The following NOL4 variants were observed in gnomAD, a reference collection of about 807,000 sequenced individuals.
NOL4 encodes nucleolar protein 4.
Under a neutral mutation model 75.9 loss-of-function variants are expected in NOL4, and 17 were observed. The ratio of observed to expected loss-of-function variants is 0.22; its 90% CI spans 0.15 to 0.34. The LOEUF is 0.34. Among genes scored for constraint, NOL4 ranks in the 10% least tolerant of loss-of-function variants. The probability of loss-of-function intolerance (pLI) is 1.00; values close to 1 mark genes in which losing one functional copy is unlikely to be tolerated. For missense variants in NOL4, 614 were observed against 793.5 expected (o/e 0.77, Z 2.72); for synonymous variants, 292 against 289.9 (o/e 1.01, Z -0.07).
At chr18:34,116,375 CTT>C (rs1444325606) in intron 2 of NOL4, among the ~76,000 whole-genome samples, 4 of 152,180 alleles carry the variant, frequency 2.6e-5, no homozygotes, top group Non-Finnish European at 5.9e-5. Flanking sequence ...CAATGTTCTG[CTT>C]TTCGGAAGAA....
At chr18:34,085,913 A>C (rs2078219819) in intron 5 of NOL4, among the ~76,000 whole-genome samples, 2 of 152,228 alleles carry the variant, frequency 1.3e-5, no homozygotes, top group South Asian at 4.1e-4. Flanking sequence ...CAATATTATG[A>C]ATGGATTTAA....
intron 5 of NOL4, among the ~76,000 whole-genome samples, chr18:34,045,942 TG>T (rs2076344358): frequency 6.6e-6 from 1 of 152,176 alleles, no homozygotes; most frequent in Admixed American, 6.5e-5. Context: ...TCAATCACAA[TG>T]GGCAGTTTTA....
In NOL4 at chr18:34,098,910, T is replaced by C. The variant is rs1383120519; in HGVS notation, c.639+5137A>G. ...AGAGCAGCATGTCAGTGGTTCTAAG[T>C]AGTAAATTATTTACGGCCAGTTTCC... On this transcript the variant is annotated intron_variant, in intron 4 of 10. Coordinates refer to ENST00000261592, the MANE Select transcript of NOL4 (RefSeq NM_003787.5). 3.3e-5 allele frequency among the ~76,000 whole-genome samples: 5 copies of C among 152,308 alleles called. No individual in the cohort carries two copies. In the East Asian group the frequency reaches 7.7e-4, roughly 24 times the overall value.
At position 33,860,425 on chromosome 18, in the gene NOL4, C is replaced by T. The variant is rs1292310835; in HGVS notation, c.1724-7390G>A. On this transcript the variant is annotated intron_variant, in intron 10 of 10. Coordinates refer to ENST00000261592, the MANE Select transcript of NOL4 (RefSeq NM_003787.5). ...GTCTCATCTGAGACAAGGCAATGCC[C>T]TTCTGTCTAGGAGTTTGTGCAAGTT... 2.6e-5 allele frequency among the ~76,000 whole-genome samples: 4 copies of T among 152,248 alleles called. No individual in the cohort carries two copies. The East Asian group carries it at 7.7e-4, about 29-fold the overall frequency.
At chr18:34,114,496 T>A (rs975870587) in intron 2 of NOL4, among the ~76,000 whole-genome samples, 1 of 152,186 alleles carries the variant, frequency 6.6e-6, no homozygotes, top group Admixed American at 6.5e-5. Context: ...CACGGCCACA[T>A]TGAACCTTAA....
intron 1 of NOL4, among the ~76,000 whole-genome samples, chr18:34,163,091 C>A (rs984667559): frequency 3.3e-5 from 5 of 152,270 alleles, no homozygotes; most frequent in African/African-American, 7.2e-5. Flanking sequence ...GGACATATCT[C>A]AAAATAATAA....
chr18:34,182,595 G>A (rs912935885), intron 1 of NOL4, among the ~76,000 whole-genome samples: 2 of 151,798 alleles, frequency 1.3e-5, no homozygotes, highest in South Asian at 4.1e-4. Context: ...TGATACATTT[G>A]TGAATAGTTT....
intron 1 of NOL4, among the ~76,000 whole-genome samples, chr18:34,155,336 A>C (rs1037408931): frequency 6.6e-6 from 1 of 152,008 alleles, no homozygotes; most frequent in South Asian, 2.1e-4. Flanking sequence ...ATTATGAGAT[A>C]CAGACCATTC....
In NOL4 at chr18:33,904,690, A is replaced by G. The variant is rs75125700; in HGVS notation, c.1543-21266T>C. Among the ~76,000 whole-genome samples, 581 of 152,276 alleles carry G rather than the reference A, an allele frequency of 3.8e-3. 11 individuals carry two copies. In the East Asian group the frequency reaches 0.053, roughly 14 times the overall value. On this transcript the variant is annotated intron_variant, in intron 9 of 10. Transcript: ENST00000261592. ...GGACTGCCTTTATAAATACTCATAG[A>G]TTCTCCTATAACCTGTTAAATATGT... is the stretch of plus-strand genomic sequence containing the variant.
intron 6 of NOL4, among the ~76,000 whole-genome samples, chr18:33,972,178 A>AG (rs2071119337): frequency 6.6e-6 from 1 of 151,848 alleles, no homozygotes; most frequent in African/African-American, 2.4e-5. Flanking sequence ...AAAAAAAAAA[A>AG]TTTAAACAAA....
intron 8 of NOL4, among the ~76,000 whole-genome samples, chr18:33,946,607 C>T (rs2068852071): frequency 6.6e-6 from 1 of 151,748 alleles, no homozygotes; most frequent in South Asian, 2.1e-4. Flanking sequence ...TTCTTAAATA[C>T]TACACATTCC....
intron 9 of NOL4, among the ~76,000 whole-genome samples, chr18:33,887,654 G>A (rs190912324): frequency 4.6e-5 from 7 of 151,970 alleles, no homozygotes; most frequent in Admixed American, 2.6e-4. Context: ...CTACCTATGA[G>A]TGAGAACATG....
intron 1 of NOL4, among the ~76,000 whole-genome samples, chr18:34,205,598 G>A (rs1054231444): frequency 6.6e-6 from 1 of 152,052 alleles, no homozygotes; most frequent in Admixed American, 6.6e-5. Context: ...AGAAAGAGAC[G>A]AAAATATTTA....
chr18:34,126,121 A>G (rs1375277470), intron 2 of NOL4, among the ~76,000 whole-genome samples: 1 of 152,192 alleles, frequency 6.6e-6, no homozygotes. Context: ...TACGTGAAAC[A>G]TGAGTAGTGA....
chr18:34,027,083 T>C (rs2075380868), intron 5 of NOL4, among the ~76,000 whole-genome samples: 1 of 152,228 alleles, frequency 6.6e-6, no homozygotes, highest in African/African-American at 2.4e-5. Context: ...TCTACATTCT[T>C]TTCTCTATGT....
At position 34,199,123 on chromosome 18, in the gene NOL4, G is replaced by A. The variant is rs539816736; in HGVS notation, c.264+23867C>T. Among the ~76,000 whole-genome samples the A allele has an allele frequency of 1.1e-4, 17 of 150,624 alleles. No individual in the cohort carries two copies. The South Asian group carries it at 3.3e-3, about 30-fold the overall frequency. Reference sequence around the variant, plus strand: ...CAGAGGAAATGTTCCTTCTTTTTCAGAGCAAAGCCTGGGACAGAGAAGTTT... The same window carrying A: ...CAGAGGAAATGTTCCTTCTTTTTCAAAGCAAAGCCTGGGACAGAGAAGTTT... On this transcript the variant is annotated intron_variant, in intron 1 of 10. Transcript: ENST00000261592.
At chr18:34,128,398 T>C (rs574852925) in intron 2 of NOL4, among the ~76,000 whole-genome samples, 1 of 152,042 alleles carries the variant, frequency 6.6e-6, no homozygotes, top group South Asian at 2.1e-4. Flanking sequence ...AGCTATTTCA[T>C]GAAAATGTAT....
chr18:34,016,808 G>A (rs1568220197), intron 6 of NOL4, among the ~76,000 whole-genome samples: 1 of 152,010 alleles, frequency 6.6e-6, no homozygotes, highest in African/African-American at 2.4e-5. Context: ...GCTTTTAAAG[G>A]GCAGGAATCT....
chr18:34,027,199 G>A (rs2075387553), intron 5 of NOL4, among the ~76,000 whole-genome samples: 1 of 152,228 alleles, frequency 6.6e-6, no homozygotes, highest in Admixed American at 6.5e-5. Flanking sequence ...GGAGGATAGA[G>A]AGGAGAAAGA....
Sources: gnomAD v4.1 joint callset for allele counts (sites outside exome capture counted in the v4.1 genomes callset) on GRCh38, gnomAD v4.1.1 for gene constraint, MANE v1.5 for transcripts, NCBI Gene and HGNC (gene_info 2026-07-23, HGNC 2026-07-21) for gene names.